Variants in LYRM4 observed in about 807,000 individuals in gnomAD.
LYRM4 encodes LYR motif-containing protein 4.
A neutral mutation model predicts 11.7 loss-of-function variants in LYRM4; 9 were observed. That is an observed-to-expected ratio of 0.77 (90% CI 0.46 to 1.34). The LOEUF is 1.34. LYRM4 is among the 40% of genes most tolerant of loss of function. The pLI is 0.00. For missense variants in LYRM4, 133 were observed against 112.5 expected, an observed-to-expected ratio of 1.18 and a Z score of -0.82; for synonymous variants, 42 against 40.4, an observed-to-expected ratio of 1.04 and a Z score of -0.15.
chr6:5,203,075 C>T (rs887059046), intron 2 of LYRM4, among the ~76,000 whole-genome samples: 13 of 152,136 alleles, frequency 8.5e-5, no homozygotes, highest in East Asian at 1.9e-4. Context: ...AACATGCACA[C>T]GTGAAATCTG....
the LYRM4 span, chr6:5,086,035 G>A: frequency 3.4e-6 from 5 of 1,489,816 alleles, no homozygotes; most frequent in Non-Finnish European, 3.5e-6. Context: ...GCTGGCCGCG[G>A]CGGCAGTGGC....
chr6:5,090,836 T>C, the LYRM4 span, among the ~76,000 whole-genome samples: 1 of 152,212 alleles, frequency 6.6e-6, no homozygotes. This position sits in a 1 kb window ranked among gnomAD's most constrained non-coding sequence, Gnocchi z 4.8. Context: ...CACAACGGTT[T>C]CTATTTTAGT....
the LYRM4 span, among the ~76,000 whole-genome samples, chr6:5,083,037 C>T: frequency 6.6e-6 from 1 of 152,156 alleles, no homozygotes; most frequent in African/African-American, 2.4e-5. Context: ...ACTGAGAGCT[C>T]CCCGGGGGTG....
At chr6:5,233,819 A>G (rs1028308586) in intron 1 of LYRM4, among the ~76,000 whole-genome samples, 3 of 152,246 alleles carry the variant, frequency 2.0e-5, no homozygotes, top group African/African-American at 7.2e-5. Context: ...TAGTTACAAC[A>G]GAGATCTGCA....
intron 2 of LYRM4, 109 bp from the exon 3 acceptor site, chr6:5,109,600 G>A: frequency 8.8e-7 from 1 of 1,141,254 alleles, no homozygotes. Context: ...GCCATCCCAG[G>A]GCTGCTCCCT....
intron 1 of LYRM4, among the ~76,000 whole-genome samples, chr6:5,245,496 G>A (rs1764156390): frequency 6.6e-6 from 1 of 152,130 alleles, no homozygotes; most frequent in African/African-American, 2.4e-5. Context: ...TGTGGCAAGA[G>A]TGATGGGGAC....
intron 2 of LYRM4, among the ~76,000 whole-genome samples, chr6:5,203,553 T>C (rs1402158806): frequency 1.3e-5 from 2 of 152,210 alleles, no homozygotes; most frequent in Non-Finnish European, 2.9e-5. Context: ...ACGTTTAAAA[T>C]ATGGAAGATT....
chr6:5,174,220 G>A (rs1456833071), intron 2 of LYRM4, among the ~76,000 whole-genome samples: 1 of 152,102 alleles, frequency 6.6e-6, no homozygotes, highest in African/African-American at 2.4e-5. Context: ...AGCTGTTGGT[G>A]TTTAGAGCTT....
intron 2 of LYRM4, among the ~76,000 whole-genome samples, chr6:5,122,348 T>G (rs1763495544): frequency 1.3e-5 from 2 of 152,158 alleles, no homozygotes; most frequent in Admixed American, 6.5e-5. Flanking sequence ...TCTGAGAGTT[T>G]CACAATTTCC....
At chr6:5,206,973 C>T (rs1240988489) in intron 2 of LYRM4, among the ~76,000 whole-genome samples, 3 of 152,134 alleles carry the variant, frequency 2.0e-5, no homozygotes, top group Non-Finnish European at 4.4e-5. Flanking sequence ...TTCAAAAACA[C>T]ATTGAGTACA....
chr6:5,231,036 T>G (rs1229623839), intron 1 of LYRM4, among the ~76,000 whole-genome samples: 1 of 152,102 alleles, frequency 6.6e-6, no homozygotes. Flanking sequence ...CAGCACTTTG[T>G]GAGGCTAAGG....
At chr6:5,254,621 G>A (rs1372735812) in intron 1 of LYRM4, among the ~76,000 whole-genome samples, 1 of 152,128 alleles carries the variant, frequency 6.6e-6, no homozygotes, top group Non-Finnish European at 1.5e-5. Flanking sequence ...CCCTAACAAA[G>A]GTAAGAACAG....
chr6:5,050,420 G>A, the LYRM4 span, among the ~76,000 whole-genome samples: 2 of 151,324 alleles, frequency 1.3e-5, no homozygotes. Context: ...ACACGGAGGT[G>A]AGCAGCATTG....
rs74640250 is a variant in LYRM4 at position 5,209,813 on chromosome 6, C to A, written c.207+6805G>T. 6.9e-3 allele frequency among the ~76,000 whole-genome samples: 1,048 copies of A among 152,306 alleles called. 11 individuals carry two copies. Among genetic ancestry groups the A allele is most frequent in the African/African-American group, 0.024 (996 of 41,562 alleles). On this transcript the variant is annotated intron_variant, in intron 2 of 2. Coordinates refer to ENST00000330636, the MANE Select transcript of LYRM4 (RefSeq NM_020408.6). ...CATAGCTGAGAAGCCAACCAGGGAA[C>A]AGGGAGAAATCAAACCAAGACACTA...
chr6:5,048,694 A>T, the LYRM4 span, among the ~76,000 whole-genome samples: 2 of 152,084 alleles, frequency 1.3e-5, no homozygotes, highest in East Asian at 3.8e-4. Flanking sequence ...ACTTCACCTC[A>T]TCACTTTTTG....
At chr6:5,036,356 CAGAG>C in the LYRM4 span, among the ~76,000 whole-genome samples, 3 of 152,096 alleles carry the variant, frequency 2.0e-5, no homozygotes, top group Admixed American at 1.3e-4. Context: ...AGGGAAAAAA[CAGAG>C]AGCGCCTCAG....
At chr6:5,179,122 A>G (rs1170214385) in intron 2 of LYRM4, among the ~76,000 whole-genome samples, 1 of 151,220 alleles carries the variant, frequency 6.6e-6, no homozygotes, top group Non-Finnish European at 1.5e-5. Flanking sequence ...TCAATAACTC[A>G]AAGTCAGGGC....
At chr6:5,200,084 T>C (rs1418778268) in intron 2 of LYRM4, among the ~76,000 whole-genome samples, 1 of 152,254 alleles carries the variant, frequency 6.6e-6, no homozygotes, top group Non-Finnish European at 1.5e-5. Flanking sequence ...TGTATGACTT[T>C]CTTAATAACT....
the LYRM4 span, among the ~76,000 whole-genome samples, chr6:5,045,399 G>A: frequency 6.6e-6 from 1 of 152,180 alleles, no homozygotes; most frequent in East Asian, 1.9e-4. Flanking sequence ...ATTTTATAGG[G>A]TACCAAAGAG....
Sources: gnomAD v4.1 joint callset for allele counts (sites outside exome capture counted in the v4.1 genomes callset) on GRCh38, gnomAD v4.1.1 for gene constraint, Gnocchi (gnomAD v3.1) non-coding constraint, MANE v1.5 for transcripts, NCBI Gene and HGNC (gene_info 2026-07-23, HGNC 2026-07-21) for gene names.